Variants in CIB4 observed in about 807,000 individuals in gnomAD.
The protein encoded by CIB4 is calcium and integrin binding family member 4.
Under a neutral mutation model 25.8 loss-of-function variants are expected in CIB4, and 25 were observed. The observed-to-expected ratio is 0.97, with a 90% CI of 0.71 to 1.35. The LOEUF is 1.35. CIB4 is among the 40% of genes most tolerant of loss of function. The pLI, the probability that CIB4 is intolerant of heterozygous loss-of-function variation, is 0.00. For synonymous variants in CIB4, 75 were observed against 81.4 expected, an observed-to-expected ratio of 0.92 and a Z score of 0.42; for missense variants, 235 against 228.2, an observed-to-expected ratio of 1.03 and a Z score of -0.19.
intron 4 of CIB4, among the ~76,000 whole-genome samples, chr2:26,592,802 C>A (rs780461569): frequency 6.6e-6 from 1 of 152,046 alleles, no homozygotes. Context: ...CCATTTGATT[C>A]TTTCTTATAG....
chr2:26,617,875 A>G (rs1215335451), intron 3 of CIB4, among the ~76,000 whole-genome samples: 2 of 152,172 alleles, frequency 1.3e-5, no homozygotes, highest in African/African-American at 4.8e-5. Flanking sequence ...AACCTCAGAC[A>G]TGGAGTTTCC....
intron 6 of CIB4, among the ~76,000 whole-genome samples, chr2:26,582,447 C>T (rs58731978): frequency 2.6e-5 from 4 of 152,156 alleles, no homozygotes; most frequent in African/African-American, 9.7e-5. Context: ...AGCTCCACCA[C>T]CAGCATCTTC....
intron 1 of CIB4, among the ~76,000 whole-genome samples, chr2:26,640,921 C>T (rs539398064): frequency 2.6e-5 from 4 of 152,212 alleles, no homozygotes; most frequent in African/African-American, 7.2e-5. Flanking sequence ...GAGGGACCAC[C>T]GCTACCCCGC....
intron 3 of CIB4, among the ~76,000 whole-genome samples, chr2:26,617,269 C>T (rs1669113048): frequency 6.6e-6 from 1 of 152,046 alleles, no homozygotes; most frequent in South Asian, 2.1e-4. Context: ...GTAACAGGAG[C>T]CTCTAGCTCA....
At chr2:26,596,555 C>T (rs1668686293) in intron 3 of CIB4, among the ~76,000 whole-genome samples, 1 of 152,000 alleles carries the variant, frequency 6.6e-6, no homozygotes, top group Non-Finnish European at 1.5e-5. Flanking sequence ...ACCAGCCTGG[C>T]CAAAATGGTG....
intron 4 of CIB4, among the ~76,000 whole-genome samples, chr2:26,593,449 A>G (rs1409405715): frequency 1.3e-5 from 2 of 152,072 alleles, no homozygotes; most frequent in African/African-American, 2.4e-5. Flanking sequence ...ATATACCCAC[A>G]CATACACTCA....
intron 4 of CIB4, among the ~76,000 whole-genome samples, chr2:26,589,124 TCTTCTTCTTCTTCTTCTC>T (rs1668534066): frequency 1.5e-5 from 2 of 132,372 alleles, no homozygotes; most frequent in Admixed American, 7.5e-5. Flanking sequence ...TTCTTCTTCT[TCTTCTTCTTCTTCTTCTC>T]CTTCCCCTTC....
chr2:26,609,167 G>A (rs1405368388), intron 3 of CIB4, among the ~76,000 whole-genome samples: 2 of 152,230 alleles, frequency 1.3e-5, no homozygotes, highest in Admixed American at 1.3e-4. Flanking sequence ...AAAACAACTG[G>A]TGTGGGGGAA....
chr2:26,630,212 C>T (rs1165893232), intron 2 of CIB4, among the ~76,000 whole-genome samples: 2 of 152,186 alleles, frequency 1.3e-5, no homozygotes, highest in Admixed American at 6.5e-5. Context: ...CGGGAGGGAG[C>T]TCTGCCTCAG....
chr2:26,592,012 A>G (rs1668595303), intron 4 of CIB4, among the ~76,000 whole-genome samples: 1 of 152,244 alleles, frequency 6.6e-6, no homozygotes, highest in Non-Finnish European at 1.5e-5. Context: ...GGAGGACCCA[A>G]CTAAGTGATG....
In CIB4 at chr2:26,627,204, G is replaced by T. The variant is rs1212913871; in HGVS notation, c.186+2206C>A. On this transcript the variant is annotated intron_variant, in intron 3 of 6. Transcript: ENST00000288861. This position sits in a 1 kb window ranked among gnomAD's most constrained non-coding sequence, Gnocchi z 4.0. ...GGCACCTGGAAGACCCAGGCACATG[G>T]TCACTGCTCAGCCAAGCCTTGATTA... Among the ~76,000 whole-genome samples, 1 of 152,168 alleles carries T rather than the reference G, an allele frequency of 6.6e-6. No individual in the cohort carries two copies. The highest frequency in any genetic ancestry group is 1.5e-5 in the Non-Finnish European group (1 of 68,032).
intron 3 of CIB4, among the ~76,000 whole-genome samples, chr2:26,606,397 C>T (rs1240213156): frequency 6.6e-6 from 1 of 152,094 alleles, no homozygotes; most frequent in African/African-American, 2.4e-5. Context: ...GGAGCAAAGC[C>T]GAGGCCAAAT....
intron 4 of CIB4, among the ~76,000 whole-genome samples, chr2:26,591,706 C>A (rs1471858577): frequency 6.6e-6 from 1 of 152,214 alleles, no homozygotes. Flanking sequence ...GTCACCTCCA[C>A]CATCACGCTG....
At chr2:26,585,219 G>C (rs1037305523) in intron 4 of CIB4, among the ~76,000 whole-genome samples, 2 of 152,120 alleles carry the variant, frequency 1.3e-5, no homozygotes, top group African/African-American at 4.8e-5. Flanking sequence ...CCAGCGGGCA[G>C]AGACCGAGGC....
intron 1 of CIB4, 96 bp downstream of exon 1, chr2:26,641,164 AC>A (rs1669628246): frequency 9.7e-7 from 1 of 1,032,110 alleles, no homozygotes; most frequent in African/African-American, 1.6e-5. Context: ...AAAATTGGAC[AC>A]CCCTGCTAGA....
At position 26,627,673 on chromosome 2, in the gene CIB4, C is replaced by T. The variant is rs190026217; in HGVS notation, c.186+1737G>A. ...CCGCCTCCCCATTTTGTTTCTGTCA[C>T]AGTCACAGTCTCCGATTCACTCACC... On this transcript the variant is annotated intron_variant, in intron 3 of 6. Transcript: ENST00000288861. The surrounding 1 kb of genome is among the most constrained non-coding windows in gnomAD (Gnocchi z 4.0). Among the ~76,000 whole-genome samples the T allele has an allele frequency of 2.0e-3, 301 of 152,284 alleles. 2 individuals are homozygous for T. Among genetic ancestry groups the T allele is most frequent in the Non-Finnish European group, 3.4e-3 (229 of 68,036 alleles).
intron 3 of CIB4, among the ~76,000 whole-genome samples, chr2:26,597,606 GA>G (rs1668705125): frequency 6.6e-6 from 1 of 152,064 alleles, no homozygotes; most frequent in Admixed American, 6.5e-5. Flanking sequence ...CCATTAAAGG[GA>G]AAATTGTTTG....
At position 26,638,416 on chromosome 2, in the gene CIB4, A is replaced by T. The variant is rs1435037754; in HGVS notation, c.89+2117T>A. 2.0e-5 allele frequency among the ~76,000 whole-genome samples: 3 copies of T among 152,298 alleles called. No homozygotes were observed. The East Asian group carries it at 5.8e-4, about 29-fold the overall frequency. On this transcript the variant is annotated intron_variant, in intron 2 of 6. Transcript: ENST00000288861. ...CTCTTTCTCCGAAGGCCAAGGCAGA[A>T]CAAATGAAAATGGAGGATCGATGTT...
At chr2:26,595,466 C>G in intron 3 of CIB4, 149 bp from the exon 4 acceptor site, 6 of 862,138 alleles carry the variant, frequency 7.0e-6, no homozygotes, top group Non-Finnish European at 1.1e-5. Flanking sequence ...TGGTGGCTCA[C>G]TGAGCCAGGA....
Sources: allele counts gnomAD v4.1 joint callset (sites outside exome capture counted in the v4.1 genomes callset), GRCh38; gene constraint gnomAD v4.1.1; non-coding constraint Gnocchi (gnomAD v3.1); transcripts MANE v1.5; gene names NCBI Gene and HGNC (gene_info 2026-07-23, HGNC 2026-07-21).